Variants in MYO1D observed in about 807,000 individuals in gnomAD.
MYO1D encodes unconventional myosin-Id.
MYO1D carries 83 observed loss-of-function variants against 122.0 expected under a neutral mutation model. The ratio of observed to expected loss-of-function variants is 0.68; its 90% CI spans 0.57 to 0.82. The LOEUF is 0.82. Among genes scored for constraint, MYO1D ranks in the 40% least tolerant of loss-of-function variants. The pLI is 0.00. For missense variants in MYO1D, 1,157 were observed against 1,269.5 expected, an observed-to-expected ratio of 0.91 and a Z score of 1.35; for synonymous variants, 464 against 446.9, an observed-to-expected ratio of 1.04 and a Z score of -0.48.
chr17:32,694,796 G>C (rs1415521075), intron 16 of MYO1D, among the ~76,000 whole-genome samples: 1 of 147,290 alleles, frequency 6.8e-6, no homozygotes, highest in Non-Finnish European at 1.5e-5. Context: ...ATCTCTACTT[G>C]AATGCCTCAT....
chr17:32,618,250 G>C (rs188793588), intron 20 of MYO1D, among the ~76,000 whole-genome samples: 5 of 152,254 alleles, frequency 3.3e-5, no homozygotes, highest in Admixed American at 3.3e-4. Context: ...TAGTACTATT[G>C]ATCAACATTA....
chr17:32,632,568 TATATATATATATATATATACACACAC>T (rs1475621709), intron 20 of MYO1D: 18 of 46,896 alleles, frequency 3.8e-4, no homozygotes, highest in African/African-American at 1.8e-3. Context: ...AAGTACTATA[TATATATATATATATATATACACACAC>T]ACACACACAC....
intron 20 of MYO1D, among the ~76,000 whole-genome samples, chr17:32,611,403 C>T (rs2087700316): frequency 1.3e-5 from 2 of 152,224 alleles, no homozygotes; most frequent in South Asian, 2.1e-4. Flanking sequence ...AGGTACCAGC[C>T]AAACTTAGAG....
intron 1 of MYO1D, among the ~76,000 whole-genome samples, chr17:32,796,423 T>C (rs1284861656): frequency 1.3e-5 from 2 of 151,404 alleles, no homozygotes; most frequent in Non-Finnish European, 3.0e-5. Context: ...TAAACATACT[T>C]TTTTTTTTGA....
intron 16 of MYO1D, among the ~76,000 whole-genome samples, chr17:32,700,629 T>G (rs78607737): frequency 6.6e-6 from 1 of 151,636 alleles, no homozygotes; most frequent in East Asian, 1.9e-4. Context: ...TTGATGAAGA[T>G]AAAAAAATTA....
chr17:32,760,515 T>C lies in MYO1D; in HGVS notation c.1148A>G (p.Asp383Gly), dbSNP rs1015217566. Residue 383 changes from aspartate (D) to glycine (G), a missense_variant, in exon 9 of 22, where the codon GAT becomes GGT. Coordinates refer to ENST00000318217, the MANE Select transcript of MYO1D (RefSeq NM_015194.3). ...GTCAAAGATTTCAAAGCCATAGATATCCAAGACACCAATAACAGTGTTTTT... is the reference window on the plus strand; with the variant it reads ...GTCAAAGATTTCAAAGCCATAGATACCCAAGACACCAATAACAGTGTTTTT... Reference protein sequence around the residue: ...HGKNTVIGVLDIYGFEIFDNN... With the variant: ...HGKNTVIGVLGIYGFEIFDNN... 2 of 1,613,868 alleles carry C rather than the reference T, an allele frequency of 1.2e-6. No homozygotes were observed. Among genetic ancestry groups the C allele is most frequent in the African/African-American group, 2.7e-5 (2 of 74,942 alleles).
intron 1 of MYO1D, among the ~76,000 whole-genome samples, chr17:32,819,880 C>T (rs952374410): frequency 2.0e-5 from 3 of 152,170 alleles, no homozygotes; most frequent in African/African-American, 7.2e-5. Flanking sequence ...TAAGGTTACA[C>T]AACTAGCAAG....
chr17:32,590,687 T>C (rs1291534971), intron 21 of MYO1D, among the ~76,000 whole-genome samples: 1 of 152,244 alleles, frequency 6.6e-6, no homozygotes, highest in Admixed American at 6.5e-5. Context: ...GATTCCAATA[T>C]AGCTGCTAAG....
chr17:32,807,208 T>C (rs7224636), intron 1 of MYO1D, among the ~76,000 whole-genome samples: 2,216 of 152,282 alleles, frequency 0.015, 45 homozygotes, highest in African/African-American at 0.048. Flanking sequence ...GTAAAGACTA[T>C]ACTATAGTGT....
intron 20 of MYO1D, among the ~76,000 whole-genome samples, chr17:32,606,335 C>G (rs1191121388): frequency 6.6e-6 from 1 of 152,190 alleles, no homozygotes; most frequent in Non-Finnish European, 1.5e-5. Flanking sequence ...GAAGGGAACA[C>G]TTCCTAACTC....
At chr17:32,537,620 A>G (rs1273568494) in intron 21 of MYO1D, among the ~76,000 whole-genome samples, 2 of 152,202 alleles carry the variant, frequency 1.3e-5, no homozygotes, top group Non-Finnish European at 2.9e-5. Flanking sequence ...TTGACAAACA[A>G]CATTTAAATA....
intron 21 of MYO1D, among the ~76,000 whole-genome samples, chr17:32,600,146 G>A (rs891577031): frequency 1.3e-5 from 2 of 151,978 alleles, no homozygotes; most frequent in Non-Finnish European, 2.9e-5. Flanking sequence ...TTTTTTTTCT[G>A]AGCAGCAGGT....
intron 19 of MYO1D, 88 bp from the exon 20 acceptor site, chr17:32,638,923 G>GGTTCACATCTA: frequency 2.3e-6 from 2 of 857,964 alleles, no homozygotes; most frequent in Non-Finnish European, 2.0e-6. Flanking sequence ...TTTAATAGAT[G>GGTTCACATCTA]TGAACCATGT....
chr17:32,638,296 T>C (rs1407496372), intron 20 of MYO1D, among the ~76,000 whole-genome samples: 1 of 152,148 alleles, frequency 6.6e-6, no homozygotes, highest in Non-Finnish European at 1.5e-5. Context: ...CAACTAAATA[T>C]GCACAAAATA....
chr17:32,512,549 C>CTGGCTTTGCG (rs746334032), intron 21 of MYO1D, among the ~76,000 whole-genome samples: 1 of 151,182 alleles, frequency 6.6e-6, no homozygotes, highest in African/African-American at 2.5e-5. Context: ...AGGCTGTGTC[C>CTGGCTTTGCG]TGGCTTTGCG....
chr17:32,503,872 C>T (rs984808139), intron 21 of MYO1D, among the ~76,000 whole-genome samples: 3 of 152,200 alleles, frequency 2.0e-5, no homozygotes, highest in African/African-American at 7.2e-5. Context: ...TGTCAAACCA[C>T]ACAGGGAATC....
chr17:32,710,954 A>AT (rs1390084465), intron 16 of MYO1D, among the ~76,000 whole-genome samples: 1 of 152,162 alleles, frequency 6.6e-6, no homozygotes, highest in Non-Finnish European at 1.5e-5. Flanking sequence ...ACCCTCATAT[A>AT]CAGCTGTTGG....
At chr17:32,720,712 A>T (rs2089499580) in intron 15 of MYO1D, among the ~76,000 whole-genome samples, 2 of 152,198 alleles carry the variant, frequency 1.3e-5, no homozygotes, top group South Asian at 4.1e-4. Flanking sequence ...TTTCTGGCCC[A>T]TGATCAAGCA....
At chr17:32,771,077 C>T in intron 6 of MYO1D, 48 bp downstream of exon 6, 1 of 1,402,780 alleles carries the variant, frequency 7.1e-7, no homozygotes, top group East Asian at 2.3e-5. Context: ...CTCTTCTAAT[C>T]CTTTGACTGA....
Sources: gnomAD v4.1 joint callset for allele counts (sites outside exome capture counted in the v4.1 genomes callset) on GRCh38, gnomAD v4.1.1 for gene constraint, MANE v1.5 for transcripts, NCBI Gene and HGNC (gene_info 2026-07-23, HGNC 2026-07-21) for gene names.